ANK3: variants seen among roughly 807,000 people sequenced by gnomAD.
ANK3 encodes the protein ankyrin-3.
A neutral mutation model predicts 370.9 loss-of-function variants in ANK3; 57 were observed. The ratio of observed to expected loss-of-function variants is 0.15; its 90% CI spans 0.12 to 0.19. The LOEUF is 0.19. ANK3 is among the 10% of genes least tolerant of loss of function. The pLI, the probability that ANK3 is intolerant of heterozygous loss-of-function variation, is 1.00. For missense variants in ANK3, 4,439 were observed against 5,302.1 expected (o/e 0.84, Z 5.06); for synonymous variants, 1,929 against 1,946.3 (o/e 0.99, Z 0.23).
intron 2 of ANK3, among the ~76,000 whole-genome samples, chr10:60,422,197 T>G (rs1037487532): frequency 2.0e-5 from 3 of 152,088 alleles, no homozygotes; most frequent in Admixed American, 2.0e-4. Flanking sequence ...TTTCTACCAT[T>G]AATTATCCTT....
At chr10:60,226,986 A>T (rs2097173979) in intron 8 of ANK3, among the ~76,000 whole-genome samples, 1 of 150,568 alleles carries the variant, frequency 6.6e-6, no homozygotes, top group Admixed American at 6.6e-5. Context: ...CATATTTCCT[A>T]CTCCTAGCTG....
At chr10:60,493,468 T>C (rs2075577115) in intron 2 of ANK3, among the ~76,000 whole-genome samples, 1 of 152,112 alleles carries the variant, frequency 6.6e-6, no homozygotes, top group Admixed American at 6.5e-5. Flanking sequence ...CAACAGAATT[T>C]GGTTCCTGAC....
intron 18 of ANK3, among the ~76,000 whole-genome samples, chr10:60,177,340 A>G (rs1467361369): frequency 1.3e-5 from 2 of 152,158 alleles, no homozygotes; most frequent in Non-Finnish European, 2.9e-5. Flanking sequence ...TAGTCCAGCC[A>G]TCCTTTCTGT....
chr10:60,572,628 T>C, intron 2 of ANK3: 1 of 1,484,962 alleles, frequency 6.7e-7, no homozygotes, highest in South Asian at 1.4e-5. Context: ...CCAAAGTCCA[T>C]TTACGGGTGC....
At chr10:60,702,674 A>G (rs2079560288) in intron 1 of ANK3, among the ~76,000 whole-genome samples, 1 of 152,242 alleles carries the variant, frequency 6.6e-6, no homozygotes, top group South Asian at 2.1e-4. Context: ...CTTCTCTTAT[A>G]GAAGCATTTC....
Position 60,083,756 on chromosome 10 carries a change from T to C in ANK3, c.4075-139A>G, listed in dbSNP as rs1163014836. On this transcript the variant is annotated intron_variant, in intron 32 of 43. Transcript: ENST00000280772. The stretch of plus-strand genomic sequence containing the variant: ...TTAGGCAGTTACTTCTGTGGTGCTA[T>C]TTGCAACAAAAATAATGTTGTGTGC... 2.1e-5 allele frequency: 14 copies of C among 682,298 alleles called. No homozygotes were observed. In the East Asian group the frequency reaches 2.3e-4, roughly 11 times the overall value. The allele number at this position is 682,298 out of a possible 1,614,324, so 42.3% of individuals were successfully genotyped here. A position where few individuals can be genotyped will look rare whatever the true frequency, so the allele number is the denominator to read the frequency against.
At chr10:60,244,053 A>G (rs1298389631) in intron 7 of ANK3, among the ~76,000 whole-genome samples, 1 of 152,192 alleles carries the variant, frequency 6.6e-6, no homozygotes, top group East Asian at 1.9e-4. Flanking sequence ...ACCTGGAAAA[A>G]CAACTGCCTC....
intron 1 of ANK3, among the ~76,000 whole-genome samples, chr10:60,718,912 T>A (rs2079825645): frequency 6.6e-6 from 1 of 152,112 alleles, no homozygotes; most frequent in South Asian, 2.1e-4. Context: ...CAACCTAAAT[T>A]TTTTTCTTGT....
chr10:60,653,396 A>AT (rs1564493644), intron 1 of ANK3, among the ~76,000 whole-genome samples: 1 of 151,802 alleles, frequency 6.6e-6, no homozygotes, highest in African/African-American at 2.4e-5. Context: ...TTCCAGTAGT[A>AT]TTTTTTTAAA....
chr10:60,585,489 G>C (rs919567828), intron 2 of ANK3, among the ~76,000 whole-genome samples: 1 of 152,214 alleles, frequency 6.6e-6, no homozygotes, highest in South Asian at 2.1e-4. Context: ...GAACAACTTT[G>C]AAGGAAAAAA....
chr10:60,104,357 CAAAAAAAAAAAAAAAAAAAAAAAAAA>C (rs747064489), intron 28 of ANK3, among the ~76,000 whole-genome samples: 10 of 53,758 alleles, frequency 1.9e-4, no homozygotes, highest in Non-Finnish European at 3.1e-4. Context: ...GACTCCATCT[CAAAAAAAAAAAAAAAAAAAAAAAAAA>C]AAAAAAAAAG....
Position 60,068,957 on chromosome 10 carries a change from G to T in ANK3, c.11924C>A (p.Thr3975Asn). 2 of 1,613,652 alleles carry T rather than the reference G, an allele frequency of 1.2e-6. No homozygotes were observed. Residue 3975 changes from threonine (T) to asparagine (N), a missense_variant, in exon 37 of 44, where the codon ACC (threonine) becomes AAC (asparagine). Around this residue, in one of 13 missense-constraint regions of ANK3, gnomAD observed 496 missense variants for 529.3 expected, o/e 0.94. Coordinates refer to ENST00000280772, the MANE Select transcript of ANK3 (RefSeq NM_020987.5). ...TTTAACTGTGCAGCTGGTGGTGGTG[G>T]TAGTGGTGGTAGTGGTGGTGGTGGT... ...TATTTTTTTT[T>N]TTTSCTVKVR... is the part of the protein sequence containing the mutation.
chr10:60,079,705 T>C (rs182568032), intron 36 of ANK3, among the ~76,000 whole-genome samples: 307 of 152,276 alleles, frequency 2.0e-3, no homozygotes, highest in African/African-American at 7.0e-3. Flanking sequence ...GTCAGTCAAA[T>C]ACAATGCTGA....
rs2132410100 is a variant in ANK3, at chr10:60,198,516, T to G, written c.1513A>C (p.Ile505Leu). 12 of 1,614,174 alleles carry G rather than the reference T, an allele frequency of 7.4e-6. No individual in the cohort carries two copies. Among genetic ancestry groups the G allele is most frequent in the Non-Finnish European group, 1.0e-5 (12 of 1,180,040 alleles). ...KAKDDQTPLH[I>L]SARLGKADIV... ...TCTGCTTTCCCCAGTCGGGCTGAAA[T>G]GTGGAGTGGTGTTTGGTCATCCTAA... Residue 505 changes from isoleucine to leucine, a missense_variant, in exon 14 of 44, where the codon ATT becomes CTT. Ile to Leu is a conservative substitution (Grantham distance 5, BLOSUM62 2). This residue lies in a region of ANK3 where 227 missense variants were observed against 377.6 expected (regional missense o/e 0.60). Transcript: ENST00000280772.
At chr10:60,266,778 G>C (rs1156954854) in intron 5 of ANK3, among the ~76,000 whole-genome samples, 2 of 152,150 alleles carry the variant, frequency 1.3e-5, no homozygotes, top group African/African-American at 2.4e-5. Context: ...GGTTTGCTTT[G>C]TGCAGTTATT....
chr10:60,107,477 T>G (rs1449092546), intron 27 of ANK3, among the ~76,000 whole-genome samples: 1 of 152,186 alleles, frequency 6.6e-6, no homozygotes, highest in East Asian at 1.9e-4. Context: ...AGCTTTTCAT[T>G]AACAGGTTTC....
chr10:60,442,327 C>T (rs2064320751), intron 2 of ANK3, among the ~76,000 whole-genome samples: 1 of 151,958 alleles, frequency 6.6e-6, no homozygotes, highest in South Asian at 2.1e-4. Flanking sequence ...AACTCCTGAC[C>T]TCAGGTGATC....
intron 2 of ANK3, among the ~76,000 whole-genome samples, chr10:60,432,530 A>G (rs1212685012): frequency 6.6e-6 from 1 of 152,192 alleles, no homozygotes; most frequent in African/African-American, 2.4e-5. Flanking sequence ...GGCACTTTTA[A>G]TGCAAAGATA....
At chr10:60,620,278 A>C (rs1156949957) in intron 1 of ANK3, among the ~76,000 whole-genome samples, 1 of 152,170 alleles carries the variant, frequency 6.6e-6, no homozygotes, top group African/African-American at 2.4e-5. Flanking sequence ...CATCTCCATC[A>C]AAGGTGTTTA....
Sources: allele counts gnomAD v4.1 joint callset (sites outside exome capture counted in the v4.1 genomes callset), GRCh38; gene constraint gnomAD v4.1.1; regional missense constraint gnomAD v4.1.1; transcripts MANE v1.5; gene names NCBI Gene and HGNC (gene_info 2026-07-23, HGNC 2026-07-21).